Variants in MAPKAP1 observed in about 807,000 individuals in gnomAD.
The protein encoded by MAPKAP1 is MAPK associated protein 1, also known as target of rapamycin complex 2 subunit MAPKAP1.
A neutral mutation model predicts 65.7 loss-of-function variants in MAPKAP1; 20 were observed. The observed-to-expected ratio is 0.30, with a 90% CI of 0.21 to 0.44. The LOEUF is 0.44. Ranked by LOEUF, MAPKAP1 falls within the 20% of genes least tolerant of loss-of-function variation. The probability of loss-of-function intolerance (pLI) is 1.00; values close to 1 mark genes in which losing one functional copy is unlikely to be tolerated. For synonymous variants in MAPKAP1, 222 were observed against 244.3 expected, an observed-to-expected ratio of 0.91 and a Z score of 0.85; for missense variants, 423 against 648.0, an observed-to-expected ratio of 0.65 and a Z score of 3.77.
intron 9 of MAPKAP1, among the ~76,000 whole-genome samples, chr9:125,476,042 A>G (rs1284528145): frequency 1.3e-5 from 2 of 152,166 alleles, no homozygotes; most frequent in African/African-American, 4.8e-5. Context: ...AACCTGACAC[A>G]TTGTCATTAA....
At chr9:125,652,379 G>A (rs942213103) in intron 4 of MAPKAP1, 5 of 560,262 alleles carry the variant, frequency 8.9e-6, no homozygotes, top group African/African-American at 6.1e-5. Context: ...CTTCAGGCTC[G>A]ACATTGTGGA....
At chr9:125,542,909 A>G (rs887264846) in intron 7 of MAPKAP1, 150 bp downstream of exon 7, 1 of 771,132 alleles carries the variant, frequency 1.3e-6, no homozygotes, top group Non-Finnish European at 2.4e-6. Context: ...GCAGTGTACA[A>G]TCACCTTTTC....
intron 1 of MAPKAP1, among the ~76,000 whole-genome samples, chr9:125,693,740 CGTAT>C (rs1564620405): frequency 3.1e-5 from 4 of 128,846 alleles, no homozygotes; most frequent in African/African-American, 1.6e-4. Context: ...CATATATACA[CGTAT>C]ATATACACAT....
At chr9:125,642,664 G>A (rs1833612390) in intron 4 of MAPKAP1, among the ~76,000 whole-genome samples, 1 of 152,126 alleles carries the variant, frequency 6.6e-6, no homozygotes, top group South Asian at 2.1e-4. Context: ...AACCCATAAA[G>A]GTAGCAACCC....
At chr9:125,562,022 G>A (rs1830908119) in intron 5 of MAPKAP1, among the ~76,000 whole-genome samples, 1 of 152,120 alleles carries the variant, frequency 6.6e-6, no homozygotes, top group Non-Finnish European at 1.5e-5. Flanking sequence ...TTATGAACAG[G>A]GCAGACATGG....
At chr9:125,452,594 T>C (rs1278327241) in intron 10 of MAPKAP1, among the ~76,000 whole-genome samples, 1 of 152,184 alleles carries the variant, frequency 6.6e-6, no homozygotes, top group African/African-American at 2.4e-5. Flanking sequence ...AAAAAGCTTA[T>C]GTGGATTATA....
chr9:125,679,515 T>A (rs745721743), intron 1 of MAPKAP1, among the ~76,000 whole-genome samples: 26 of 152,170 alleles, frequency 1.7e-4, no homozygotes, highest in Non-Finnish European at 3.4e-4. Flanking sequence ...TCACAAAATT[T>A]CACAGAACAA....
chr9:125,683,781 T>C (rs1371196773), intron 1 of MAPKAP1, among the ~76,000 whole-genome samples: 2 of 152,186 alleles, frequency 1.3e-5, no homozygotes, highest in East Asian at 3.8e-4. Context: ...TAATTTGTCA[T>C]GCAGCAAAAG....
At chr9:125,656,748 C>T (rs901346192) in intron 4 of MAPKAP1, among the ~76,000 whole-genome samples, 1 of 152,158 alleles carries the variant, frequency 6.6e-6, no homozygotes, top group Admixed American at 6.6e-5. Context: ...GCACCCCACA[C>T]CACTGCCAGA....
intron 11 of MAPKAP1, among the ~76,000 whole-genome samples, chr9:125,443,984 C>T (rs1328559275): frequency 6.6e-6 from 1 of 152,068 alleles, no homozygotes; most frequent in Non-Finnish European, 1.5e-5. Flanking sequence ...AGTCTGTCAC[C>T]GTGGCATCCC....
At chr9:125,514,440 A>T (rs1829401521) in intron 7 of MAPKAP1, among the ~76,000 whole-genome samples, 1 of 152,124 alleles carries the variant, frequency 6.6e-6, no homozygotes. Flanking sequence ...TTTGGATGGT[A>T]GTGTAGCATC....
chr9:125,619,906 A>C (rs2131648074), intron 4 of MAPKAP1, among the ~76,000 whole-genome samples: 1 of 152,366 alleles, frequency 6.6e-6, no homozygotes, highest in African/African-American at 2.4e-5. Context: ...TTAGAAAATA[A>C]GAAAAAGTTC....
At chr9:125,580,378 C>G (rs1262242936) in intron 5 of MAPKAP1, among the ~76,000 whole-genome samples, 1 of 152,102 alleles carries the variant, frequency 6.6e-6, no homozygotes, top group Non-Finnish European at 1.5e-5. Context: ...GAGTTCATGT[C>G]TTTTGTAGGG....
intron 8 of MAPKAP1, among the ~76,000 whole-genome samples, chr9:125,485,796 C>T (rs930790751): frequency 2.6e-5 from 4 of 152,276 alleles, no homozygotes; most frequent in Middle Eastern, 3.4e-3. Flanking sequence ...CAGCTGCGGC[C>T]GCAACTCCTA....
chr9:125,642,971 C>T (rs1468945822), intron 4 of MAPKAP1, among the ~76,000 whole-genome samples: 1 of 151,960 alleles, frequency 6.6e-6, no homozygotes, highest in Admixed American at 6.6e-5. Flanking sequence ...GCAATCTCAG[C>T]TCACTGCAAC....
At position 125,480,974 on chromosome 9, in the gene MAPKAP1, G is replaced by GAAAAAAAAAAAAAAAAAAAAAAAAA. The variant is rs1564525845; in HGVS notation, c.1207+3468_1207+3469insTTTTTTTTTTTTTTTTTTTTTTTTT. On this transcript the variant is annotated intron_variant, in intron 9 of 11. Coordinates refer to ENST00000265960, the MANE Select transcript of MAPKAP1 (RefSeq NM_001006617.3). The stretch of plus-strand genomic sequence containing the variant: ...GTGACAGAGCGAGACTCCGTTTCGG[G>GAAAAAAAAAAAAAAAAAAAAAAAAA]GAAAAAAAAAAAAAAAAAAAAAAAA... Among the ~76,000 whole-genome samples, 3 of 97,630 alleles carry GAAAAAAAAAAAAAAAAAAAAAAAAA rather than the reference G, an allele frequency of 3.1e-5. 1 individual carries two copies. The highest frequency in any genetic ancestry group is 1.1e-4 in the Admixed American group (1 of 8,874). The allele number at this position is 97,630 out of a possible 152,430, so 64.0% of individuals were successfully genotyped here. A position where few individuals can be genotyped will look rare whatever the true frequency, so the allele number is the denominator to read the frequency against.
Position 125,447,315 on chromosome 9 carries a change from A to G in MAPKAP1, c.1346-2717T>C, listed in dbSNP as rs1852753840. The G allele has an allele frequency of 1.8e-5, 8 of 435,686 alleles. No individual in the cohort carries two copies. The highest frequency in any genetic ancestry group is 1.3e-4 in the South Asian group (8 of 61,496). 27.0% of individuals were successfully genotyped at this position (435,686 alleles called of 1,614,324 possible). Reference sequence around the variant, plus strand: ...CCGGTCTGTTTGTCCTTTCCAGTGAAAGCACTCACGCCATAGGAGAGGGGA... The same window carrying G: ...CCGGTCTGTTTGTCCTTTCCAGTGAGAGCACTCACGCCATAGGAGAGGGGA... On this transcript the variant is annotated intron_variant, in intron 10 of 11. Coordinates refer to ENST00000265960, the MANE Select transcript of MAPKAP1 (RefSeq NM_001006617.3). The surrounding 1 kb of genome is among the most constrained non-coding windows in gnomAD (Gnocchi z 4.5).
chr9:125,684,901 T>C lies in MAPKAP1; in HGVS notation c.-69-12258A>G, dbSNP rs181272368. Among the ~76,000 whole-genome samples the C allele has an allele frequency of 4.6e-5, 7 of 152,314 alleles. No individual in the cohort carries two copies. In the East Asian group the frequency reaches 1.4e-3, roughly 29 times the overall value. ...GCTGCCCAGACTGGTCTTGAATTCC[T>C]GGATTCCAGCGATCCTCCCCATCGG... On this transcript the variant is annotated intron_variant, in intron 1 of 11. Transcript: ENST00000265960.
chr9:125,470,681 G>C (rs1853879067), intron 9 of MAPKAP1, among the ~76,000 whole-genome samples: 1 of 152,192 alleles, frequency 6.6e-6, no homozygotes. Context: ...TGGGGTTATT[G>C]TGCAGTTACT....
Sources: allele counts gnomAD v4.1 joint callset (sites outside exome capture counted in the v4.1 genomes callset), GRCh38; gene constraint gnomAD v4.1.1; non-coding constraint Gnocchi (gnomAD v3.1); transcripts MANE v1.5; gene names NCBI Gene and HGNC (gene_info 2026-07-23, HGNC 2026-07-21).